The following CLMN variants were observed in gnomAD, a reference collection of about 807,000 sequenced individuals.
CLMN encodes calmin (calponin-like, transmembrane).
CLMN carries 57 observed loss-of-function variants against 92.7 expected under a neutral mutation model. The ratio of observed to expected loss-of-function variants is 0.61; its 90% CI spans 0.50 to 0.77. CLMN has a LOEUF of 0.77. Ranked by LOEUF, CLMN falls within the 30% of genes least tolerant of loss-of-function variation. The pLI is 0.00. For missense variants in CLMN, 1,158 were observed against 1,237.5 expected, an observed-to-expected ratio of 0.94 and a Z score of 0.96; for synonymous variants, 466 against 470.6, an observed-to-expected ratio of 0.99 and a Z score of 0.13.
In CLMN at chr14:95,220,304, G is replaced by A. The variant is rs529777860; in HGVS notation, c.324+1387C>T. Among the ~76,000 whole-genome samples, 138 of 148,788 alleles carry A rather than the reference G, an allele frequency of 9.3e-4. 2 individuals carry two copies. In the South Asian group the frequency reaches 0.016, roughly 18 times the overall value. On this transcript the variant is annotated intron_variant, in intron 4 of 12. Transcript: ENST00000298912. ...CAATTCTCCTGCCTCAGCCTCCCTC[G>A]TAGCTAGGATTATAGCTCCCCACGA...
At position 95,190,611 on chromosome 14, in the gene CLMN, A is replaced by T. The variant is rs2140553491; in HGVS notation, c.*953T>A. The T allele has an allele frequency of 6.6e-6, 1 of 152,418 alleles. No individual in the cohort carries two copies. The highest frequency in any genetic ancestry group is 2.1e-4 in the South Asian group (1 of 4,818). 9.4% of individuals were successfully genotyped at this position (152,418 alleles called of 1,614,324 possible). On this transcript the variant is annotated 3_prime_UTR_variant, in exon 13 of 13. Transcript: ENST00000298912. ...ACCTCCTGTGCTGGCCTGCTCCCGGAGTGCTGTCCAGAAAGCCTCTTCAAG... is the reference window on the plus strand; with the variant it reads ...ACCTCCTGTGCTGGCCTGCTCCCGGTGTGCTGTCCAGAAAGCCTCTTCAAG...
intron 1 of CLMN, among the ~76,000 whole-genome samples, chr14:95,300,403 C>T (rs746019052): frequency 3.9e-5 from 6 of 152,200 alleles, no homozygotes; most frequent in Non-Finnish European, 8.8e-5. Flanking sequence ...TCTCTGATAA[C>T]GCCCCAGTCC....
chr14:95,245,426 C>T (rs75754252), intron 1 of CLMN, among the ~76,000 whole-genome samples: 12,924 of 148,814 alleles, frequency 0.087, 562 homozygotes, highest in African/African-American at 0.1. Context: ...TTGTATCTTG[C>T]CCCCTCCCAG....
rs1896573157 is a variant in CLMN at position 95,191,930 on chromosome 14, G to A, written c.2841-198C>T. Reference sequence around the variant, plus strand: ...CGTCGGGCCATCCAGGCAGCCCCTCGAGCTTTTGCACGTACTCCGTTCATC... The same window carrying A: ...CGTCGGGCCATCCAGGCAGCCCCTCAAGCTTTTGCACGTACTCCGTTCATC... On this transcript the variant is annotated intron_variant, in intron 12 of 12. Coordinates refer to ENST00000298912, the MANE Select transcript of CLMN (RefSeq NM_024734.4). This position sits in a 1 kb window ranked among gnomAD's most constrained non-coding sequence, Gnocchi z 5.3. 3 of 494,542 alleles carry A rather than the reference G, an allele frequency of 6.1e-6. No individual in the cohort carries two copies. The highest frequency in any genetic ancestry group is 3.3e-5 in the East Asian group (1 of 30,000). 30.6% of individuals were successfully genotyped at this position (494,542 alleles called of 1,614,324 possible). A position where few individuals can be genotyped will look rare whatever the true frequency, so the allele number is the denominator to read the frequency against.
At position 95,204,456 on chromosome 14, in the gene CLMN, A is replaced by T. The variant is rs1166835602; in HGVS notation, c.893T>A (p.Ile298Asn). 6.5e-7 allele frequency: 1 copy of T among 1,546,632 alleles called. No homozygotes were observed. ...ERFPELEAED[I>N]FDSDKEVPIE... is the part of the protein sequence containing the mutation. Reference sequence around the variant, plus strand: ...AGGAACTTCTTTATCTGAATCGAAAATATCTTCCTGCAAAAAAAAACAAAA... The same window carrying T: ...AGGAACTTCTTTATCTGAATCGAAATTATCTTCCTGCAAAAAAAAACAAAA... Residue 298 changes from isoleucine to asparagine, a missense_variant, in exon 9 of 13, where the codon ATT (isoleucine) becomes AAT (asparagine). By Grantham distance (149) the Ile-to-Asn change is moderately radical (BLOSUM62 -3). Coordinates refer to ENST00000298912, the MANE Select transcript of CLMN (RefSeq NM_024734.4).
intron 1 of CLMN, among the ~76,000 whole-genome samples, chr14:95,314,732 G>T (rs1167302580): frequency 2.0e-5 from 3 of 152,282 alleles, no homozygotes; most frequent in East Asian, 3.9e-4. Flanking sequence ...GATAGGGATG[G>T]AGCTGGCACT....
intron 1 of CLMN, among the ~76,000 whole-genome samples, chr14:95,300,631 T>C (rs1901010108): frequency 1.3e-5 from 2 of 152,212 alleles, no homozygotes; most frequent in Admixed American, 1.3e-4. Context: ...GCAAGGAACG[T>C]TCCTCCCCCT....
chr14:95,307,939 G>A (rs1901357381), intron 1 of CLMN, among the ~76,000 whole-genome samples: 1 of 152,188 alleles, frequency 6.6e-6, no homozygotes, highest in African/African-American at 2.4e-5. Context: ...TGACCTCGGA[G>A]TCTGCATCTG....
At position 95,254,459 on chromosome 14, in the gene CLMN, C is replaced by T. The variant is rs552568576; in HGVS notation, c.83-24326G>A. ...TTCATAAAGCTCTGCACCCAGCTGACGAGCAGAGTGGAGCTGTGTAGAATA... is the reference window on the plus strand; with the variant it reads ...TTCATAAAGCTCTGCACCCAGCTGATGAGCAGAGTGGAGCTGTGTAGAATA... On this transcript the variant is annotated intron_variant, in intron 1 of 12. Transcript: ENST00000298912. Among the ~76,000 whole-genome samples, 10 of 152,266 alleles carry T rather than the reference C, an allele frequency of 6.6e-5. No homozygotes were observed. The South Asian group carries it at 1.7e-3, about 25-fold the overall frequency.
chr14:95,242,713 G>A (rs1254615211), intron 1 of CLMN, among the ~76,000 whole-genome samples: 3 of 152,194 alleles, frequency 2.0e-5, no homozygotes, highest in Non-Finnish European at 1.5e-5. Context: ...GACTACAGGC[G>A]CATGCCACCA....
chr14:95,281,187 C>T (rs777949873), intron 1 of CLMN, among the ~76,000 whole-genome samples: 1 of 152,178 alleles, frequency 6.6e-6, no homozygotes, highest in Non-Finnish European at 1.5e-5. Flanking sequence ...AACATTTATC[C>T]AACTCATACA....
Position 95,316,164 on chromosome 14 carries a change from A to G in CLMN, c.82+3547T>C, listed in dbSNP as rs1176485308. Among the ~76,000 whole-genome samples, 7 of 152,214 alleles carry G rather than the reference A, an allele frequency of 4.6e-5. No individual in the cohort carries two copies. The East Asian group carries it at 1.4e-3, about 29-fold the overall frequency. On this transcript the variant is annotated intron_variant, in intron 1 of 12. Coordinates refer to ENST00000298912, the MANE Select transcript of CLMN (RefSeq NM_024734.4). Reference sequence around the variant, plus strand: ...TAAGGCGCAGACCTATTAACACACCACCTCTAACATCAGTTCTAGAAAATA... The same window carrying G: ...TAAGGCGCAGACCTATTAACACACCGCCTCTAACATCAGTTCTAGAAAATA...
In CLMN at chr14:95,213,224, C is replaced by T. The variant is rs143229821; in HGVS notation, c.603G>A (p.Thr201=). The T allele has an allele frequency of 3.1e-6, 5 of 1,613,176 alleles. No individual in the cohort carries two copies. The highest frequency in any genetic ancestry group is 4.2e-6 in the Non-Finnish European group (5 of 1,179,678). The change falls in exon 6 of 13, where the codon ACG becomes ACA. Residue 201 remains threonine, a synonymous_variant. Transcript: ENST00000298912. Reference sequence around the variant, plus strand: ...GGAGAGGGGCTGCGGCTTACTTTCTCGTTTTCCTCTGCACCCACGCCAACA... The same window carrying T: ...GGAGAGGGGCTGCGGCTTACTTTCTTGTTTTCCTCTGCACCCACGCCAACA... The part of the protein sequence containing the change: ...KALLAWVQRK[T]RKYGVAVQDF...
intron 1 of CLMN, among the ~76,000 whole-genome samples, chr14:95,304,221 A>G (rs918783894): frequency 3.3e-5 from 5 of 152,158 alleles, no homozygotes; most frequent in Non-Finnish European, 7.4e-5. Flanking sequence ...CTGTGGTCCC[A>G]GCTACTTGGG....
Position 95,196,701 on chromosome 14 carries a change from G to A in CLMN, c.2512-7C>T, listed in dbSNP as rs184336427. ...GGTTTGGGGATTCCTGGGACTGAAA[G>A]ACAGAACAACCAAATCCAAGTCAGT... On this transcript the variant is annotated splice_region_variant and splice_polypyrimidine_tract_variant and intron_variant, in intron 9 of 12. Transcript: ENST00000298912. The A allele has an allele frequency of 5.6e-6, 9 of 1,611,036 alleles. No individual in the cohort carries two copies. In the Admixed American group the frequency reaches 1.5e-4, roughly 27 times the overall value.
intron 9 of CLMN, chr14:95,199,047 C>T (rs1266701287): frequency 6.6e-6 from 1 of 152,254 alleles, no homozygotes; most frequent in African/African-American, 2.4e-5. Context: ...GCAGAGCCAT[C>T]CAGCCCTCTT....
At chr14:95,210,941 G>A in intron 6 of CLMN, 62 bp from the exon 7 acceptor site, 1 of 1,468,990 alleles carries the variant, frequency 6.8e-7, no homozygotes, top group Non-Finnish European at 9.0e-7. Flanking sequence ...AAAGGTGCAA[G>A]GTCAGCATGC....
Position 95,294,252 on chromosome 14 carries a change from A to G in CLMN, c.82+25459T>C, listed in dbSNP as rs528474684. Among the ~76,000 whole-genome samples, 3 of 152,382 alleles carry G rather than the reference A, an allele frequency of 2.0e-5. No individual in the cohort carries two copies. The highest frequency in any genetic ancestry group is 2.1e-4 in the South Asian group (1 of 4,832). Reference sequence around the variant, plus strand: ...CAGACTACAAAGATGAGGAAAAGGCATGGCCCCTGCTTGCACGGGGAAGAC... The same window carrying G: ...CAGACTACAAAGATGAGGAAAAGGCGTGGCCCCTGCTTGCACGGGGAAGAC... On this transcript the variant is annotated intron_variant, in intron 1 of 12. Coordinates refer to ENST00000298912, the MANE Select transcript of CLMN (RefSeq NM_024734.4). This position sits in a 1 kb window ranked among gnomAD's most constrained non-coding sequence, Gnocchi z 4.2.
chr14:95,317,463 A>G (rs1425806681), intron 1 of CLMN, among the ~76,000 whole-genome samples: 1 of 152,200 alleles, frequency 6.6e-6, no homozygotes, highest in Admixed American at 6.5e-5. Flanking sequence ...CCCAAACTGC[A>G]CACAACCCAA....
Sources: gnomAD v4.1 joint callset for allele counts (sites outside exome capture counted in the v4.1 genomes callset) on GRCh38, gnomAD v4.1.1 for gene constraint, Gnocchi (gnomAD v3.1) non-coding constraint, MANE v1.5 for transcripts, NCBI Gene and HGNC (gene_info 2026-07-23, HGNC 2026-07-21) for gene names.